Variants in RPTOR observed in about 807,000 individuals in gnomAD.
RPTOR encodes the protein regulatory associated protein of MTOR complex 1.
Under a neutral mutation model 169.9 loss-of-function variants are expected in RPTOR, and 21 were observed. The ratio of observed to expected loss-of-function variants is 0.12; its 90% confidence interval spans 0.09 to 0.18. RPTOR has a LOEUF of 0.18. Among genes scored for constraint, RPTOR ranks in the 10% least tolerant of loss-of-function variants. The pLI, the probability that RPTOR is intolerant of heterozygous loss-of-function variation, is 1.00. For missense variants in RPTOR, 1,133 were observed against 1,855.9 expected (o/e 0.61, Z 7.16); for synonymous variants, 732 against 753.2 (o/e 0.97, Z 0.46).
chr17:80,955,368 A>G (rs942386460), intron 28 of RPTOR, among the ~76,000 whole-genome samples: 8 of 152,242 alleles, frequency 5.3e-5, no homozygotes, highest in African/African-American at 1.4e-4. Flanking sequence ...GGGACAGCTG[A>G]TGCCATATAG....
At chr17:80,647,396 C>T (rs2065604571) in intron 3 of RPTOR, among the ~76,000 whole-genome samples, 1 of 152,106 alleles carries the variant, frequency 6.6e-6, no homozygotes, top group South Asian at 2.1e-4. Context: ...TGGGACCATA[C>T]AGTGAAGAAT....
chr17:80,797,654 G>C (rs1262807753), intron 7 of RPTOR, among the ~76,000 whole-genome samples: 1 of 152,242 alleles, frequency 6.6e-6, no homozygotes, highest in Non-Finnish European at 1.5e-5. Context: ...GCACATCTAT[G>C]TTTAATAGTG....
intron 13 of RPTOR, among the ~76,000 whole-genome samples, chr17:80,875,620 G>A (rs548074415): frequency 1.3e-5 from 2 of 152,320 alleles, no homozygotes; most frequent in Admixed American, 1.3e-4. Flanking sequence ...GCAGATTCAC[G>A]CTGCCGGCAC....
Position 80,659,798 on chromosome 17 carries a change from G to A in RPTOR, c.348+15988G>A, listed in dbSNP as rs577031616. 1.1e-3 allele frequency among the ~76,000 whole-genome samples: 168 copies of A among 152,168 alleles called. No individual in the cohort carries two copies. The highest frequency in any genetic ancestry group is 2.1e-3 in the Non-Finnish European group (140 of 68,006). ...GATACAGGCGTGAGCCACTGCGCCC[G>A]GACCATCTGGCTAATTTAAAAAATT... On this transcript the variant is annotated intron_variant, in intron 3 of 33. Transcript: ENST00000306801. This position sits in a 1 kb window ranked among gnomAD's most constrained non-coding sequence, Gnocchi z 4.3.
chr17:80,710,095 G>T (rs947056708), intron 4 of RPTOR, among the ~76,000 whole-genome samples: 2 of 149,674 alleles, frequency 1.3e-5, no homozygotes, highest in Admixed American at 1.4e-4. Flanking sequence ...TCCCACCTCA[G>T]CCTCCCAAGT....
chr17:80,617,432 A>G (rs1031178240), intron 1 of RPTOR, among the ~76,000 whole-genome samples: 1 of 152,218 alleles, frequency 6.6e-6, no homozygotes, highest in Admixed American at 6.5e-5. Flanking sequence ...GTTTTTGTAA[A>G]GGACATATAC....
intron 3 of RPTOR, among the ~76,000 whole-genome samples, chr17:80,706,275 C>T (rs1282114916): frequency 2.0e-5 from 3 of 152,136 alleles, no homozygotes; most frequent in Non-Finnish European, 4.4e-5. Context: ...CCTCCCCAAC[C>T]CCAGAAGGTC....
intron 14 of RPTOR, among the ~76,000 whole-genome samples, chr17:80,880,797 T>C (rs2068178509): frequency 1.3e-5 from 2 of 152,150 alleles, no homozygotes; most frequent in Non-Finnish European, 2.9e-5. Context: ...TCAAATCCAC[T>C]CTCCCTGCTG....
At chr17:80,674,766 C>A (rs2143690605) in intron 3 of RPTOR, among the ~76,000 whole-genome samples, 1 of 119,046 alleles carries the variant, frequency 8.4e-6, no homozygotes, top group African/African-American at 3.1e-5. Context: ...CCAGCCTGGG[C>A]AACAGAGCAA....
At chr17:80,769,682 G>A (rs1444320615) in intron 6 of RPTOR, among the ~76,000 whole-genome samples, 2 of 152,146 alleles carry the variant, frequency 1.3e-5, no homozygotes, top group South Asian at 2.1e-4. Flanking sequence ...GGGTGTCCTC[G>A]TATCACCCGC....
At chr17:80,736,172 T>TA (rs111575653) in intron 5 of RPTOR, among the ~76,000 whole-genome samples, 111 of 141,282 alleles carry the variant, frequency 7.9e-4, no homozygotes, top group South Asian at 9.1e-4. Context: ...CCCCATCTCT[T>TA]AAAAAAAAAA....
At chr17:80,791,275 C>A in intron 6 of RPTOR, among the ~76,000 whole-genome samples, 175 bp from the exon 7 acceptor site, 1 of 152,028 alleles carries the variant, frequency 6.6e-6, no homozygotes, top group South Asian at 2.1e-4. Context: ...GACAGAATGG[C>A]AATGAGATTT....
chr17:80,962,798 G>A, intron 32 of RPTOR, 130 bp from the exon 33 acceptor site: 1 of 1,483,474 alleles, frequency 6.7e-7, no homozygotes, highest in African/African-American at 1.4e-5. Context: ...GTGACCAGAG[G>A]GTCACACCTG....
chr17:80,737,283 G>A (rs576500158), intron 5 of RPTOR, among the ~76,000 whole-genome samples: 2 of 152,334 alleles, frequency 1.3e-5, no homozygotes, highest in East Asian at 1.9e-4. Flanking sequence ...AGTAGGGGGC[G>A]CTGGCTGCTG....
intron 1 of RPTOR, among the ~76,000 whole-genome samples, chr17:80,552,200 C>T (rs2084354473): frequency 6.6e-6 from 1 of 152,240 alleles, no homozygotes; most frequent in South Asian, 2.1e-4. Context: ...GATTCTGTTA[C>T]TTCCTTACTG....
At chr17:80,859,465 C>T (rs962166534) in intron 13 of RPTOR, among the ~76,000 whole-genome samples, 1 of 152,184 alleles carries the variant, frequency 6.6e-6, no homozygotes, top group East Asian at 1.9e-4. Context: ...TGTCCGTGTG[C>T]GGAGGGGCAC....
At chr17:80,872,280 G>A (rs1159248769) in intron 13 of RPTOR, among the ~76,000 whole-genome samples, 1 of 152,256 alleles carries the variant, frequency 6.6e-6, no homozygotes, top group Non-Finnish European at 1.5e-5. Flanking sequence ...TAGCACTGCT[G>A]TGCAGAATGG....
chr17:80,664,505 A>G (rs12936509), intron 3 of RPTOR, among the ~76,000 whole-genome samples: 9,810 of 149,522 alleles, frequency 0.066, 415 homozygotes, highest in Non-Finnish European at 0.1. Flanking sequence ...TTCCCCTTTC[A>G]GTGCTTGCTC....
At chr17:80,843,516 G>A (rs1441132815) in intron 10 of RPTOR, among the ~76,000 whole-genome samples, 3 of 151,894 alleles carry the variant, frequency 2.0e-5, no homozygotes, top group African/African-American at 4.8e-5. Flanking sequence ...CTTTCTTAGG[G>A]GTGTTAAAGA....
Sources: gnomAD v4.1 joint callset for allele counts (sites outside exome capture counted in the v4.1 genomes callset) on GRCh38, gnomAD v4.1.1 for gene constraint, Gnocchi (gnomAD v3.1) non-coding constraint, MANE v1.5 for transcripts, NCBI Gene and HGNC (gene_info 2026-07-23, HGNC 2026-07-21) for gene names.